GLIS3: variants seen among roughly 807,000 people sequenced by gnomAD.
The protein encoded by GLIS3 is zinc finger protein GLIS3.
Under a neutral mutation model 78.6 loss-of-function variants are expected in GLIS3, and 53 were observed. The ratio of observed to expected loss-of-function variants is 0.67; its 90% confidence interval spans 0.54 to 0.85. The LOEUF is 0.85. Ranked by LOEUF, GLIS3 falls within the 40% of genes least tolerant of loss-of-function variation. The probability of loss-of-function intolerance (pLI) is 0.00; values close to 1 mark genes in which losing one functional copy is unlikely to be tolerated. For synonymous variants in GLIS3, 684 were observed against 509.9 expected (o/e 1.34, Z -4.60); for missense variants, 1,703 against 1,231.1 (o/e 1.38, Z -5.74).
intron 4 of GLIS3, chr9:4,035,055 C>T (rs905111410): frequency 6.6e-6 from 1 of 152,060 alleles, no homozygotes; most frequent in Non-Finnish European, 1.5e-5. Context: ...GCAGATGAGA[C>T]AATAAAGCAG....
At chr9:4,121,765 G>A (rs1027497937) in intron 3 of GLIS3, among the ~76,000 whole-genome samples, 2 of 152,020 alleles carry the variant, frequency 1.3e-5, no homozygotes, top group Non-Finnish European at 2.9e-5. Context: ...TATCCCACAT[G>A]TCACCCACAA....
intron 2 of GLIS3, among the ~76,000 whole-genome samples, chr9:4,283,278 T>G (rs1267703867): frequency 1.8e-4 from 28 of 151,786 alleles, no homozygotes; most frequent in Admixed American, 5.2e-4. Context: ...TGTTTTTTTT[T>G]TTTTTGAGAT....
chr9:4,149,251 C>A (rs1457196850), intron 2 of GLIS3, among the ~76,000 whole-genome samples: 1 of 152,188 alleles, frequency 6.6e-6, no homozygotes, highest in African/African-American at 2.4e-5. Flanking sequence ...CCCAGATTAA[C>A]TCATTTAGCT....
chr9:4,475,012 G>C, the GLIS3 span, among the ~76,000 whole-genome samples: 3 of 33,516 alleles, frequency 9.0e-5, no homozygotes, highest in Non-Finnish European at 1.6e-4. Context: ...TTTTTTTTTT[G>C]AGACGTAGTC....
chr9:4,307,238 ACT>A (rs1431370892), intron 4 of GLIS3, among the ~76,000 whole-genome samples: 1 of 152,100 alleles, frequency 6.6e-6, no homozygotes, highest in Non-Finnish European at 1.5e-5. Flanking sequence ...TAGCTGTAAC[ACT>A]CTATTGCCTC....
chr9:3,910,539 C>T (rs1563840194), intron 6 of GLIS3, among the ~76,000 whole-genome samples: 1 of 152,140 alleles, frequency 6.6e-6, no homozygotes. Flanking sequence ...TTTTCAGAGA[C>T]AGGGTCTCAC....
chr9:4,247,560 C>G (rs979681638), intron 2 of GLIS3, among the ~76,000 whole-genome samples: 1 of 152,092 alleles, frequency 6.6e-6, no homozygotes, highest in African/African-American at 2.4e-5. Context: ...ATGTTCATTC[C>G]TGTACCAGAA....
the GLIS3 span, among the ~76,000 whole-genome samples, chr9:4,450,074 C>T: frequency 6.6e-6 from 1 of 152,002 alleles, no homozygotes; most frequent in African/African-American, 2.4e-5. Flanking sequence ...TGTTTGGACC[C>T]ATCACAAGGA....
the GLIS3 span, among the ~76,000 whole-genome samples, chr9:4,481,510 A>C: frequency 1.7e-5 from 2 of 119,032 alleles, no homozygotes; most frequent in Non-Finnish European, 3.4e-5. Context: ...TTAATTAAAA[A>C]CATAAGTGTG....
the GLIS3 span, among the ~76,000 whole-genome samples, chr9:4,369,804 A>G: frequency 6.6e-6 from 1 of 152,222 alleles, no homozygotes; most frequent in South Asian, 2.1e-4. Flanking sequence ...TCTAATAGAG[A>G]TAAAATCCTA....
chr9:4,057,359 G>A (rs1826233918), intron 4 of GLIS3, among the ~76,000 whole-genome samples: 1 of 152,014 alleles, frequency 6.6e-6, no homozygotes, highest in East Asian at 1.9e-4. Flanking sequence ...CTTTATTTAG[G>A]ACTAAATTCT....
At chr9:4,394,318 T>C in the GLIS3 span, among the ~76,000 whole-genome samples, 2 of 151,660 alleles carry the variant, frequency 1.3e-5, no homozygotes, top group Non-Finnish European at 2.9e-5. Flanking sequence ...AATTTAAAAA[T>C]TATTATCTCA....
At chr9:3,982,516 G>C (rs1819383261) in intron 4 of GLIS3, among the ~76,000 whole-genome samples, 2 of 152,202 alleles carry the variant, frequency 1.3e-5, no homozygotes, top group African/African-American at 4.8e-5. Context: ...ACCCATGACG[G>C]AAAACACAGG....
At chr9:4,176,198 A>T (rs925620808) in intron 2 of GLIS3, among the ~76,000 whole-genome samples, 2 of 152,350 alleles carry the variant, frequency 1.3e-5, no homozygotes, top group South Asian at 4.1e-4. Flanking sequence ...AGGAAGAGAA[A>T]AAAACTCATT....
intron 4 of GLIS3, among the ~76,000 whole-genome samples, chr9:4,056,342 C>T (rs1588558226): frequency 6.6e-6 from 1 of 152,212 alleles, no homozygotes; most frequent in African/African-American, 2.4e-5. Flanking sequence ...GTGGATGCAG[C>T]TTCAAATACA....
At chr9:4,353,552 T>C in the GLIS3 span, among the ~76,000 whole-genome samples, 6 of 152,128 alleles carry the variant, frequency 3.9e-5, no homozygotes, top group Admixed American at 3.9e-4. Context: ...ACTTGTGTGT[T>C]GACAGCAAAA....
chr9:4,461,879 G>C, the GLIS3 span, among the ~76,000 whole-genome samples: 1 of 152,160 alleles, frequency 6.6e-6, no homozygotes, highest in African/African-American at 2.4e-5. Flanking sequence ...CGATTTCAGA[G>C]ATCCTTTGTT....
chr9:4,182,486 T>A (rs1326879679), intron 2 of GLIS3, among the ~76,000 whole-genome samples: 1 of 152,196 alleles, frequency 6.6e-6, no homozygotes, highest in Non-Finnish European at 1.5e-5. Flanking sequence ...TATTTTATCA[T>A]CAGTGACAGT....
At chr9:4,486,718 G>A in the GLIS3 span, among the ~76,000 whole-genome samples, 1 of 152,138 alleles carries the variant, frequency 6.6e-6, no homozygotes, top group South Asian at 2.1e-4. Flanking sequence ...GGTGATGTAA[G>A]GCCTCTTGTC....
Sources: gnomAD v4.1 joint callset for allele counts (sites outside exome capture counted in the v4.1 genomes callset) on GRCh38, gnomAD v4.1.1 for gene constraint, MANE v1.5 for transcripts, NCBI Gene and HGNC (gene_info 2026-07-23, HGNC 2026-07-21) for gene names.